VEGFC: variants seen among roughly 807,000 people sequenced by gnomAD.
VEGFC encodes FLT4 ligand DHM.
Under a neutral mutation model 46.1 loss-of-function variants are expected in VEGFC, and 12 were observed. That is an observed-to-expected ratio of 0.26 (90% confidence interval 0.17 to 0.42). The LOEUF is 0.42. Among genes scored for constraint, VEGFC ranks in the 10% least tolerant of loss-of-function variants. VEGFC has a pLI of 1.00. For synonymous variants in VEGFC, 232 were observed against 195.5 expected, an observed-to-expected ratio of 1.19 and a Z score of -1.56; for missense variants, 488 against 529.4, an observed-to-expected ratio of 0.92 and a Z score of 0.77.
chr4:176,790,862 T>C (rs1371809586), intron 1 of VEGFC, among the ~76,000 whole-genome samples: 3 of 152,246 alleles, frequency 2.0e-5, no homozygotes, highest in South Asian at 2.1e-4. Flanking sequence ...GTTACGGCAA[T>C]GTAAGTATAG....
chr4:176,732,174 T>G (rs1231347873), intron 1 of VEGFC, among the ~76,000 whole-genome samples: 2 of 151,902 alleles, frequency 1.3e-5, no homozygotes, highest in African/African-American at 4.8e-5. Context: ...CTTAAAACAC[T>G]GCATGAATAC....
intron 1 of VEGFC, among the ~76,000 whole-genome samples, chr4:176,750,601 C>A (rs979175896): frequency 6.6e-6 from 1 of 151,558 alleles, no homozygotes; most frequent in Non-Finnish European, 1.5e-5. Context: ...CATACCTAAA[C>A]CCTTCAGGGG....
At chr4:176,692,256 T>C (rs1734204203) in intron 4 of VEGFC, among the ~76,000 whole-genome samples, 2 of 137,716 alleles carry the variant, frequency 1.5e-5, no homozygotes, top group South Asian at 2.2e-4. Context: ...TAGCCGGGCG[T>C]AGTGGCGGGC....
chr4:176,761,967 G>A (rs961673400), intron 1 of VEGFC, among the ~76,000 whole-genome samples: 29 of 152,130 alleles, frequency 1.9e-4, no homozygotes, highest in African/African-American at 7.0e-4. Flanking sequence ...TGTCTCTGAC[G>A]TATCAGTTTT....
At chr4:176,697,740 G>A (rs1470934426) in intron 4 of VEGFC, among the ~76,000 whole-genome samples, 2 of 143,044 alleles carry the variant, frequency 1.4e-5, no homozygotes, top group Non-Finnish European at 3.1e-5. Context: ...CAACCCAAAT[G>A]TCCAACAATG....
At chr4:176,758,697 T>A (rs1735476647) in intron 1 of VEGFC, among the ~76,000 whole-genome samples, 11 of 152,114 alleles carry the variant, frequency 7.2e-5, no homozygotes, top group Non-Finnish European at 1.5e-5. Flanking sequence ...CTTTAGTTTG[T>A]GTCCTGTATG....
chr4:176,713,866 G>A (rs1734656320), intron 3 of VEGFC, among the ~76,000 whole-genome samples: 1 of 152,114 alleles, frequency 6.6e-6, no homozygotes, highest in South Asian at 2.1e-4. Context: ...CTTCAAACAG[G>A]TGTGTGTGGT....
At chr4:176,713,470 AT>A (rs533913829) in intron 3 of VEGFC, among the ~76,000 whole-genome samples, 1 of 152,208 alleles carries the variant, frequency 6.6e-6, no homozygotes, top group African/African-American at 2.4e-5. Flanking sequence ...TTTTTAATAA[AT>A]TTATAAAATT....
intron 1 of VEGFC, among the ~76,000 whole-genome samples, chr4:176,771,385 C>T (rs113888327): frequency 0.019 from 2,953 of 152,192 alleles, 83 homozygotes; most frequent in African/African-American, 0.067. Context: ...TGTCAAATCC[C>T]TCTTAAGTTT....
chr4:176,758,275 C>T (rs1358079408), intron 1 of VEGFC, among the ~76,000 whole-genome samples: 1 of 152,026 alleles, frequency 6.6e-6, no homozygotes, highest in East Asian at 1.9e-4. Context: ...TTTTGAAGAA[C>T]AAATAAGTTA....
chr4:176,728,107 G>A, intron 2 of VEGFC, 139 bp from the exon 3 acceptor site: 1 of 588,474 alleles, frequency 1.7e-6, no homozygotes, highest in South Asian at 3.3e-5. Flanking sequence ...CAGCTGATGG[G>A]ATCCTAAATT....
intron 4 of VEGFC, among the ~76,000 whole-genome samples, chr4:176,700,152 T>G (rs1734401040): frequency 6.6e-6 from 1 of 152,218 alleles, no homozygotes; most frequent in Non-Finnish European, 1.5e-5. Context: ...CACGGTGGCT[T>G]ACGCCTGTAA....
chr4:176,692,455 C>G (rs1361949443), intron 4 of VEGFC, among the ~76,000 whole-genome samples: 1 of 135,588 alleles, frequency 7.4e-6, no homozygotes, highest in East Asian at 2.0e-4. Context: ...AGATTATACC[C>G]GCACCTGGCT....
chr4:176,762,447 C>T (rs890372298), intron 1 of VEGFC, among the ~76,000 whole-genome samples: 2 of 152,158 alleles, frequency 1.3e-5, no homozygotes, highest in Non-Finnish European at 2.9e-5. Flanking sequence ...GAAGCAGAGA[C>T]GGGGCCCTCA....
At chr4:176,702,813 C>A (rs1261039309) in intron 4 of VEGFC, among the ~76,000 whole-genome samples, 3 of 151,926 alleles carry the variant, frequency 2.0e-5, no homozygotes, top group African/African-American at 7.3e-5. Context: ...CCCTATAGTA[C>A]ATCGTCACAG....
intron 1 of VEGFC, among the ~76,000 whole-genome samples, chr4:176,790,968 AAATT>A (rs1236683997): frequency 6.6e-6 from 1 of 152,200 alleles, no homozygotes; most frequent in African/African-American, 2.4e-5. Context: ...CCCCTATATT[AAATT>A]ATTACACATT....
At chr4:176,755,935 T>A (rs1174260680) in intron 1 of VEGFC, among the ~76,000 whole-genome samples, 7 of 152,058 alleles carry the variant, frequency 4.6e-5, no homozygotes, top group African/African-American at 1.7e-4. Flanking sequence ...GAATGCTATA[T>A]TCCTATGCCA....
At chr4:176,749,768 CTTG>C (rs1735311784) in intron 1 of VEGFC, among the ~76,000 whole-genome samples, 2 of 151,898 alleles carry the variant, frequency 1.3e-5, no homozygotes, top group South Asian at 4.1e-4. Context: ...GTCACTCCCT[CTTG>C]TTATACAGAA....
chr4:176,730,931 A>C (rs1366078952), intron 1 of VEGFC, among the ~76,000 whole-genome samples: 1 of 152,086 alleles, frequency 6.6e-6, no homozygotes, highest in African/African-American at 2.4e-5. Flanking sequence ...CTAAAAATAA[A>C]AGTCAATTAT....
Sources: allele counts gnomAD v4.1 joint callset (sites outside exome capture counted in the v4.1 genomes callset), GRCh38; gene constraint gnomAD v4.1.1; transcripts MANE v1.5; gene names NCBI Gene and HGNC (gene_info 2026-07-23, HGNC 2026-07-21).